Variants in CABCOCO1 observed in about 807,000 individuals in gnomAD.
The protein encoded by CABCOCO1 is ciliary associated calcium binding coiled-coil 1.
A neutral mutation model predicts 35.7 loss-of-function variants in CABCOCO1; 28 were observed. The observed-to-expected ratio is 0.78, with a 90% confidence interval of 0.58 to 1.07. The LOEUF is 1.07. Among genes scored for constraint, CABCOCO1 ranks in the 50% least tolerant of loss-of-function variants. CABCOCO1 has a pLI of 0.00. For synonymous variants in CABCOCO1, 95 were observed against 100.1 expected, an observed-to-expected ratio of 0.95 and a Z score of 0.30; for missense variants, 326 against 309.2, an observed-to-expected ratio of 1.05 and a Z score of -0.41.
At chr10:61,680,435 CAT>C (rs1438373051) in intron 2 of CABCOCO1, among the ~76,000 whole-genome samples, 1 of 65,840 alleles carries the variant, frequency 1.5e-5, no homozygotes, top group Non-Finnish European at 3.4e-5. Flanking sequence ...TATATATTAA[CAT>C]ATATAATATA....
At chr10:61,754,232 C>T (rs190044153) in intron 5 of CABCOCO1, among the ~76,000 whole-genome samples, 9 of 152,220 alleles carry the variant, frequency 5.9e-5, no homozygotes, top group Admixed American at 2.6e-4. Context: ...ATTTTCTTAG[C>T]ATCCCACAGT....
rs138831100 is a variant in CABCOCO1 at position 61,704,683 on chromosome 10, C to T, written c.552+14062C>T. Among the ~76,000 whole-genome samples, 360 of 152,274 alleles carry T rather than the reference C, an allele frequency of 2.4e-3. 2 individuals carry two copies. The highest frequency in any genetic ancestry group is 8.1e-3 in the African/African-American group (336 of 41,542). The stretch of plus-strand genomic sequence containing the variant: ...ATTTCTAAGTATTTGCTGTTTTAAG[C>T]GCCCAGGCTTGGGGTAATTTGTTAC... On this transcript the variant is annotated intron_variant, in intron 5 of 7. Transcript: ENST00000648843.
At chr10:61,704,014 G>A (rs375644023) in intron 5 of CABCOCO1, among the ~76,000 whole-genome samples, 42 of 151,910 alleles carry the variant, frequency 2.8e-4, no homozygotes, top group Admixed American at 1.6e-3. Flanking sequence ...CCAGTAGTTC[G>A]AGACCAGCCT....
intron 5 of CABCOCO1, among the ~76,000 whole-genome samples, chr10:61,728,241 T>C (rs948833275): frequency 2.0e-5 from 3 of 152,228 alleles, no homozygotes; most frequent in South Asian, 2.1e-4. Context: ...TTTTTGTTTG[T>C]TTTCCCTTAA....
chr10:61,734,140 G>GT (rs1239125931), intron 5 of CABCOCO1, among the ~76,000 whole-genome samples: 1 of 151,706 alleles, frequency 6.6e-6, no homozygotes. Flanking sequence ...TGGTTCATTT[G>GT]TTTTTTCTCT....
chr10:61,753,408 C>G (rs1382522042), intron 5 of CABCOCO1, among the ~76,000 whole-genome samples: 1 of 152,054 alleles, frequency 6.6e-6, no homozygotes, highest in Non-Finnish European at 1.5e-5. Context: ...TTTTCCATCT[C>G]TCACCCTGAG....
intron 5 of CABCOCO1, chr10:61,701,728 G>A (rs1239993076): frequency 2.0e-6 from 2 of 985,080 alleles, no homozygotes; most frequent in East Asian, 1.1e-4. Flanking sequence ...ACTGTATCAG[G>A]TTCAGCAACC....
chr10:61,753,174 T>C (rs1412707315), intron 5 of CABCOCO1, among the ~76,000 whole-genome samples: 1 of 152,106 alleles, frequency 6.6e-6, no homozygotes, highest in African/African-American at 2.4e-5. Context: ...GAAAATGCAA[T>C]GTCCATAAAA....
intron 5 of CABCOCO1, among the ~76,000 whole-genome samples, chr10:61,721,220 G>C (rs1841012631): frequency 6.6e-6 from 1 of 150,934 alleles, no homozygotes; most frequent in South Asian, 2.1e-4. Flanking sequence ...CACTGTGCCC[G>C]GCCCCACCTC....
chr10:61,684,078 G>T (rs185369503), intron 3 of CABCOCO1, among the ~76,000 whole-genome samples: 1 of 152,078 alleles, frequency 6.6e-6, no homozygotes, highest in East Asian at 1.9e-4. Flanking sequence ...CATTTCTGAA[G>T]CTACTTCCAC....
chr10:61,766,259 A>T lies in CABCOCO1; in HGVS notation c.*246A>T, dbSNP rs1842108051. On this transcript the variant is annotated 3_prime_UTR_variant, in exon 8 of 8. Coordinates refer to ENST00000648843, the MANE Select transcript of CABCOCO1 (RefSeq NM_001366906.2). ...ACATTTTGTATACAAGAGTTTGAAA[A>T]ATTATATATAAAAATACAATTACTT... 1 of 271,124 alleles carries T rather than the reference A, an allele frequency of 3.7e-6. No individual in the cohort carries two copies. Among genetic ancestry groups the T allele is most frequent in the African/African-American group, 2.2e-5 (1 of 45,678 alleles). The allele number at this position is 271,124 out of a possible 1,614,324, so 16.8% of individuals were successfully genotyped here.
At chr10:61,717,948 C>G (rs1187223097) in intron 5 of CABCOCO1, among the ~76,000 whole-genome samples, 5 of 152,072 alleles carry the variant, frequency 3.3e-5, no homozygotes, top group South Asian at 2.1e-4. Context: ...TCATCTTGAG[C>G]AGGGTTATGT....
chr10:61,719,396 AC>A (rs1796244838), intron 5 of CABCOCO1, among the ~76,000 whole-genome samples: 1 of 152,136 alleles, frequency 6.6e-6, no homozygotes, highest in Non-Finnish European at 1.5e-5. Flanking sequence ...TGCTGGTTTA[AC>A]TTAACCTCTC....
chr10:61,738,879 G>A (rs1841484021), intron 5 of CABCOCO1, among the ~76,000 whole-genome samples: 1 of 152,176 alleles, frequency 6.6e-6, no homozygotes, highest in African/African-American at 2.4e-5. Flanking sequence ...TTACATGGAG[G>A]CTGTTTATAA....
At position 61,714,195 on chromosome 10, in the gene CABCOCO1, A is replaced by G. The variant is rs1840802729; in HGVS notation, c.552+23574A>G. Reference sequence around the variant, plus strand: ...TATTGCCTCAATTTCAGAGTCTATTATTGGTCTATTCGGAGATTCAACTTC... The same window carrying G: ...TATTGCCTCAATTTCAGAGTCTATTGTTGGTCTATTCGGAGATTCAACTTC... On this transcript the variant is annotated intron_variant, in intron 5 of 7. Transcript: ENST00000648843. 2.0e-5 allele frequency among the ~76,000 whole-genome samples: 3 copies of G among 152,176 alleles called. No homozygotes were observed. In the South Asian group the frequency reaches 6.2e-4, roughly 32 times the overall value.
At chr10:61,706,863 A>G (rs1483258344) in intron 5 of CABCOCO1, among the ~76,000 whole-genome samples, 1 of 152,038 alleles carries the variant, frequency 6.6e-6, no homozygotes, top group Non-Finnish European at 1.5e-5. Flanking sequence ...TTCTCCCTGT[A>G]TTCTGGAAAC....
chr10:61,717,677 A>AGG (rs1441670016), intron 5 of CABCOCO1, among the ~76,000 whole-genome samples: 1 of 152,226 alleles, frequency 6.6e-6, no homozygotes, highest in Non-Finnish European at 1.5e-5. Flanking sequence ...TTAAATATTT[A>AGG]GGAAATTAAC....
intron 2 of CABCOCO1, among the ~76,000 whole-genome samples, chr10:61,679,268 G>A (rs563811358): frequency 3.5e-4 from 52 of 147,692 alleles, no homozygotes; most frequent in African/African-American, 1.3e-3. Context: ...TAGTCACAGA[G>A]CTTAGAATGA....
chr10:61,713,081 A>C lies in CABCOCO1; in HGVS notation c.552+22460A>C, dbSNP rs536812485. 5.3e-5 allele frequency among the ~76,000 whole-genome samples: 8 copies of C among 152,320 alleles called. No homozygotes were observed. The South Asian group carries it at 1.7e-3, about 32-fold the overall frequency. On this transcript the variant is annotated intron_variant, in intron 5 of 7. Coordinates refer to ENST00000648843, the MANE Select transcript of CABCOCO1 (RefSeq NM_001366906.2). ...GTTTGATGGGGATGGCATTGAATCTATAAATTACCTTGGGCACTATGGCCA... is the reference window on the plus strand; with the variant it reads ...GTTTGATGGGGATGGCATTGAATCTCTAAATTACCTTGGGCACTATGGCCA...
Sources: gnomAD v4.1 joint callset for allele counts (sites outside exome capture counted in the v4.1 genomes callset) on GRCh38, gnomAD v4.1.1 for gene constraint, MANE v1.5 for transcripts, NCBI Gene and HGNC (gene_info 2026-07-23, HGNC 2026-07-21) for gene names.